The following ACACA variants were observed in gnomAD, a reference collection of about 807,000 sequenced individuals.
The protein encoded by ACACA is acetyl-CoA carboxylase 1.
ACACA carries 103 observed loss-of-function variants against 296.1 expected under a neutral mutation model. The observed-to-expected ratio is 0.35, with a 90% CI of 0.30 to 0.41. ACACA has a LOEUF of 0.41. Among genes scored for constraint, ACACA ranks in the 10% least tolerant of loss-of-function variants. ACACA has a pLI of 1.00. For missense variants in ACACA, 1,554 were observed against 2,989.7 expected (o/e 0.52, Z 11.20); for synonymous variants, 953 against 1,038.6 (o/e 0.92, Z 1.58).
At chr17:37,129,773 AG>A (rs973368131) in intron 46 of ACACA, among the ~76,000 whole-genome samples, 3 of 152,136 alleles carry the variant, frequency 2.0e-5, no homozygotes, top group Non-Finnish European at 4.4e-5. Context: ...GCTATTACAG[AG>A]GAGAAAACCC....
At chr17:37,093,318 G>A (rs939199794) in intron 54 of ACACA, among the ~76,000 whole-genome samples, 1 of 152,206 alleles carries the variant, frequency 6.6e-6, no homozygotes, top group African/African-American at 2.4e-5. Flanking sequence ...GAACATGAGA[G>A]CATGCCAAAC....
chr17:37,265,874 T>C (rs923563453), intron 10 of ACACA, among the ~76,000 whole-genome samples: 1 of 152,194 alleles, frequency 6.6e-6, no homozygotes, highest in Non-Finnish European at 1.5e-5. Context: ...TACAGCTGAA[T>C]AGCTTTCTGT....
chr17:37,353,128 A>T (rs1275729447), intron 1 of ACACA, among the ~76,000 whole-genome samples: 1 of 152,216 alleles, frequency 6.6e-6, no homozygotes, highest in Non-Finnish European at 1.5e-5. Context: ...GATAGAATCA[A>T]AGTAAAATTA....
At chr17:37,305,898 T>C (rs1406317404) in intron 3 of ACACA, among the ~76,000 whole-genome samples, 2 of 96,388 alleles carry the variant, frequency 2.1e-5, no homozygotes, top group African/African-American at 6.9e-5. Context: ...AGCAGTTTTT[T>C]TTTTTGTTTT....
Position 37,225,100 on chromosome 17 carries a change from A to G in ACACA, c.3366T>C (p.Leu1122=), listed in dbSNP as rs1225262815. 3.7e-5 allele frequency: 59 copies of G among 1,597,818 alleles called. No individual in the cohort carries two copies. Among genetic ancestry groups the G allele is most frequent in the Non-Finnish European group, 5.1e-5 (59 of 1,165,474 alleles). Residue 1122 remains leucine (L), a synonymous_variant, in exon 27 of 56, where the codon CTT becomes CTC. Coordinates refer to ENST00000616317, the MANE Select transcript of ACACA (RefSeq NM_198834.3). ...AKVALRARQV[L]IASHLPSYEL... The stretch of plus-strand genomic sequence containing the variant: ...CATATGATGGCAAATGGGAGGCAAT[A>G]AGAACCTAGAGTGAGAACAAAATAG...
intron 1 of ACACA, among the ~76,000 whole-genome samples, chr17:37,394,215 CTTT>C (rs796871691): frequency 6.9e-6 from 1 of 144,452 alleles, no homozygotes; most frequent in Admixed American, 7.0e-5. Flanking sequence ...TTTTCTTTTT[CTTT>C]TTTTTTTTTT....
chr17:37,247,179 T>C (rs1390851901), intron 18 of ACACA, among the ~76,000 whole-genome samples: 1 of 152,128 alleles, frequency 6.6e-6, no homozygotes, highest in African/African-American at 2.4e-5. Context: ...AGTATAATCA[T>C]ATAATGGAAT....
At chr17:37,095,526 C>T (rs867396992) in intron 54 of ACACA, among the ~76,000 whole-genome samples, 1 of 152,208 alleles carries the variant, frequency 6.6e-6, no homozygotes, top group African/African-American at 2.4e-5. Flanking sequence ...TCCTTGAGAA[C>T]GATTAGCAGA....
chr17:37,151,323 T>C lies in ACACA; in HGVS notation c.5546A>G (p.Asn1849Ser), dbSNP rs2076029617. ...MIAGESSLAY[N>S]EIITISLVTC... ...TACCAGGCTGATGGTAATGATCTCA[T>C]TATAGGCCAATGAGGATTCTCCAGC... is the stretch of plus-strand genomic sequence containing the variant. Residue 1849 changes from asparagine to serine, a missense_variant, in exon 44 of 56, where the codon AAT (asparagine) becomes AGT (serine). By Grantham distance (46) the Asn-to-Ser change is conservative (BLOSUM62 1). Transcript: ENST00000616317. The C allele has an allele frequency of 6.2e-7, 1 of 1,613,936 alleles. No homozygotes were observed. The highest frequency in any genetic ancestry group is 1.3e-5 in the African/African-American group (1 of 74,940).
At chr17:37,218,778 G>A (rs113450925) in intron 29 of ACACA, among the ~76,000 whole-genome samples, 35 of 152,172 alleles carry the variant, frequency 2.3e-4, no homozygotes, top group Middle Eastern at 3.4e-3. Flanking sequence ...TATGCTTTTC[G>A]CCTGCTTGAT....
chr17:37,193,330 A>G, intron 36 of ACACA, 44 bp downstream of exon 36: 1 of 1,464,916 alleles, frequency 6.8e-7, no homozygotes. Flanking sequence ...GCTTTTAAGA[A>G]AAAGTAATTT....
chr17:37,304,926 T>C (rs962059125), intron 3 of ACACA, among the ~76,000 whole-genome samples: 4 of 152,122 alleles, frequency 2.6e-5, no homozygotes, highest in Non-Finnish European at 5.9e-5. Flanking sequence ...TAAGACTCTG[T>C]CCCTATAAAA....
In ACACA at chr17:37,149,970, G is replaced by A. The variant is rs751971187; in HGVS notation, c.5573C>T (p.Thr1858Met). The change falls in exon 45 of 56, where the codon ACG becomes ATG. Residue 1858 changes from threonine to methionine, a missense_variant. Around this residue, in one of 16 missense-constraint regions of ACACA, gnomAD observed 553 missense variants for 1,043.6 expected, o/e 0.53. Transcript: ENST00000616317. The part of the protein sequence containing the change: ...YNEIITISLV[T>M]CRAIGIGAYL... ...AGCCCCAATCCCAATGGCCCGGCAC[G>A]TCACCTTAGAAAAGAATAAATTCTA... 1.7e-5 allele frequency: 28 copies of A among 1,613,848 alleles called. No individual in the cohort carries two copies. Among genetic ancestry groups the A allele is most frequent in the East Asian group, 1.1e-4 (5 of 44,892 alleles).
At chr17:37,337,299 C>T (rs556209558) in intron 2 of ACACA, among the ~76,000 whole-genome samples, 14 of 151,876 alleles carry the variant, frequency 9.2e-5, no homozygotes, top group African/African-American at 2.9e-4. Flanking sequence ...ACCTGTAGTC[C>T]CAGCTACTGG....
chr17:37,107,841 AGAG>A (rs1174672407), intron 52 of ACACA, among the ~76,000 whole-genome samples: 1 of 152,172 alleles, frequency 6.6e-6, no homozygotes, highest in African/African-American at 2.4e-5. Context: ...TCTGAACACA[AGAG>A]GAGGGGAAGG....
chr17:37,109,958 T>C (rs1378152062), intron 52 of ACACA, among the ~76,000 whole-genome samples: 1 of 152,166 alleles, frequency 6.6e-6, no homozygotes, highest in Non-Finnish European at 1.5e-5. Flanking sequence ...CAGCATGAAC[T>C]GCGGCCCTGC....
At position 37,097,896 on chromosome 17, in the gene ACACA, C is replaced by T. The variant is rs1451528463; in HGVS notation, c.6654G>A (p.Gln2218=). 3.1e-6 allele frequency: 5 copies of T among 1,614,158 alleles called. No individual in the cohort carries two copies. The highest frequency in any genetic ancestry group is 3.3e-4 in the Middle Eastern group (2 of 6,062). ...REEFLIPIYH[Q]VAVQFADLHD... Reference sequence around the variant, plus strand: ...GCAAGTCAGCAAACTGCACGGCTACCTGATGGTAAATGGGAATTAGGAATT... The same window carrying T: ...GCAAGTCAGCAAACTGCACGGCTACTTGATGGTAAATGGGAATTAGGAATT... The change falls in exon 53 of 56, where the codon CAG becomes CAA. Residue 2218 remains glutamine, a synonymous_variant. Transcript: ENST00000616317. This position sits in a 1 kb window ranked among gnomAD's most constrained non-coding sequence, Gnocchi z 4.8.
At chr17:37,159,329 C>T (rs948633378) in intron 42 of ACACA, among the ~76,000 whole-genome samples, 2 of 152,126 alleles carry the variant, frequency 1.3e-5, no homozygotes, top group African/African-American at 4.8e-5. Context: ...AAGCAATTCT[C>T]ATGCCTCTCT....
intron 3 of ACACA, among the ~76,000 whole-genome samples, chr17:37,312,871 A>T (rs192855065): frequency 5.8e-4 from 89 of 152,286 alleles, no homozygotes; most frequent in African/African-American, 1.6e-3. Flanking sequence ...TACAAAAAAA[A>T]TTTTTAAAGA....
Sources: allele counts gnomAD v4.1 joint callset (sites outside exome capture counted in the v4.1 genomes callset), GRCh38; gene constraint gnomAD v4.1.1; regional missense constraint gnomAD v4.1.1; non-coding constraint Gnocchi (gnomAD v3.1); transcripts MANE v1.5; gene names NCBI Gene and HGNC (gene_info 2026-07-23, HGNC 2026-07-21).